IPO5: variants seen among roughly 807,000 people sequenced by gnomAD.
IPO5 encodes the protein importin-5.
Under a neutral mutation model 143.3 loss-of-function variants are expected in IPO5, and 18 were observed. The observed-to-expected ratio is 0.13, with a 90% CI of 0.09 to 0.19. IPO5 has a LOEUF of 0.19. IPO5 is among the 10% of genes least tolerant of loss of function. The pLI is 1.00. For missense variants in IPO5, 1,013 were observed against 1,336.9 expected (o/e 0.76, Z 3.78); for synonymous variants, 477 against 465.7 (o/e 1.02, Z -0.31).
rs1267194340 is a variant in IPO5 at position 98,001,545 on chromosome 13, T to C, written c.1108+900T>C. ...CAGGCTGGAGTGCAGTGGTGCAATC[T>C]TGGCTCACTACAATGTTCACCTCCC... On this transcript the variant is annotated intron_variant, in intron 13 of 28. Coordinates refer to ENST00000651721, the MANE Select transcript of IPO5 (RefSeq NM_002271.6). 16 of 152,404 alleles carry C rather than the reference T, an allele frequency of 1.0e-4. No homozygotes were observed. The East Asian group carries it at 2.5e-3, about 24-fold the overall frequency. 9.4% of individuals were successfully genotyped at this position (152,404 alleles called of 1,614,324 possible).
At chr13:97,963,299 G>T (rs1385876640) in intron 2 of IPO5, 1 of 151,782 alleles carries the variant, frequency 6.6e-6, no homozygotes, top group African/African-American at 2.4e-5. Flanking sequence ...TTTATTTCTG[G>T]AGTCACTATT....
chr13:98,018,428 C>G (rs1890261996), intron 25 of IPO5, 57 bp from the exon 26 acceptor site: 1 of 1,241,768 alleles, frequency 8.1e-7, no homozygotes, highest in East Asian at 2.3e-5. Context: ...GTGAATATTT[C>G]TTTACATTCT....
intron 3 of IPO5, among the ~76,000 whole-genome samples, chr13:97,971,937 CTA>C (rs1329748983): frequency 6.6e-6 from 1 of 152,128 alleles, no homozygotes; most frequent in Non-Finnish European, 1.5e-5. Context: ...CAAAACACTC[CTA>C]TGAAGAACTA....
chr13:97,970,661 T>C (rs1322073713), intron 3 of IPO5, among the ~76,000 whole-genome samples: 1 of 152,100 alleles, frequency 6.6e-6, no homozygotes, highest in Non-Finnish European at 1.5e-5. Flanking sequence ...AAACACGCCA[T>C]ATTTCAATTG....
At chr13:97,975,665 G>C (rs1418923289) in intron 3 of IPO5, 1 of 152,262 alleles carries the variant, frequency 6.6e-6, no homozygotes, top group East Asian at 1.9e-4. Context: ...CTGAGATTGA[G>C]ATAATCAGCC....
chr13:97,977,905 T>C (rs1192618932), intron 4 of IPO5, among the ~76,000 whole-genome samples: 2 of 152,334 alleles, frequency 1.3e-5, no homozygotes, highest in South Asian at 2.1e-4. Context: ...ATTTTACATA[T>C]AGCCAATGAA....
intron 9 of IPO5, 147 bp downstream of exon 9, chr13:97,990,684 A>T (rs1172841951): frequency 5.9e-6 from 3 of 507,730 alleles, no homozygotes; most frequent in African/African-American, 2.0e-5. Flanking sequence ...CTCAGTCTCC[A>T]TTAAGCTTAT....
intron 16 of IPO5, among the ~76,000 whole-genome samples, chr13:98,005,210 T>A (rs1566543507): frequency 6.6e-6 from 1 of 150,760 alleles, no homozygotes; most frequent in Non-Finnish European, 1.5e-5. Context: ...TTTTTTTTTT[T>A]TCCCCAGACA....
chr13:98,006,626 G>A (rs1431639804), intron 17 of IPO5, among the ~76,000 whole-genome samples: 9 of 151,716 alleles, frequency 5.9e-5, no homozygotes, highest in East Asian at 1.9e-4. Flanking sequence ...CGCCCGCCTC[G>A]GCCTCCCAGA....
intron 4 of IPO5, chr13:97,981,477 G>A (rs1886843248): frequency 3.6e-6 from 1 of 279,256 alleles, no homozygotes. Context: ...TTAGTAAAAG[G>A]TTTAAGCTAG....
chr13:97,973,041 T>C (rs979681850), intron 3 of IPO5, among the ~76,000 whole-genome samples: 529 of 32,152 alleles, frequency 0.016, 5 homozygotes, highest in Middle Eastern at 0.062. Flanking sequence ...TTATCTTCTT[T>C]TTTTTTTTTT....
Position 97,985,484 on chromosome 13 carries a change from C to G in IPO5, c.235C>G (p.Pro79Ala), listed in dbSNP as rs763481233. ...LLSSAFDEVYPALPSDVQTAI... is the reference protein window; with the variant it reads ...LLSSAFDEVYAALPSDVQTAI... ...GTCCTCTGCATTTGATGAAGTCTATCCAGCACTTCCCTCTGATGTTCAGAC... is the reference window on the plus strand; with the variant it reads ...GTCCTCTGCATTTGATGAAGTCTATGCAGCACTTCCCTCTGATGTTCAGAC... The change falls in exon 6 of 29, where the codon CCA becomes GCA. Residue 79 changes from proline to alanine, a missense_variant. This residue lies in a region of IPO5 where 328 missense variants were observed against 342.0 expected (regional missense o/e 0.96). Coordinates refer to ENST00000651721, the MANE Select transcript of IPO5 (RefSeq NM_002271.6). 11 of 1,613,972 alleles carry G rather than the reference C, an allele frequency of 6.8e-6. No individual in the cohort carries two copies. Among genetic ancestry groups the G allele is most frequent in the South Asian group, 1.1e-5 (1 of 91,070 alleles).
At chr13:98,018,333 C>G in intron 25 of IPO5, 152 bp from the exon 26 acceptor site, 1 of 609,684 alleles carries the variant, frequency 1.6e-6, no homozygotes, top group Non-Finnish European at 2.9e-6. Flanking sequence ...GATTGAATAT[C>G]GTTGGTCACA....
At chr13:98,000,878 T>G (rs1888712218) in intron 13 of IPO5, 10 of 536,540 alleles carry the variant, frequency 1.9e-5, no homozygotes, top group Admixed American at 1.3e-4. Flanking sequence ...TATTTGAATT[T>G]TTATGGAATA....
chr13:98,000,258 C>T (rs1425915046), intron 12 of IPO5, among the ~76,000 whole-genome samples: 2 of 151,356 alleles, frequency 1.3e-5, no homozygotes, highest in Non-Finnish European at 2.9e-5. Flanking sequence ...GCGCTCCAGC[C>T]TGGGTGACAG....
At chr13:97,974,309 CTTT>C (rs200747505) in intron 3 of IPO5, among the ~76,000 whole-genome samples, 4 of 139,068 alleles carry the variant, frequency 2.9e-5, no homozygotes, top group Non-Finnish European at 1.6e-5. Flanking sequence ...GTCTGAAATT[CTTT>C]TTTTTTTTTT....
chr13:98,020,527 T>C (rs1248335026), intron 27 of IPO5, among the ~76,000 whole-genome samples: 2 of 152,222 alleles, frequency 1.3e-5, no homozygotes, highest in Non-Finnish European at 2.9e-5. Flanking sequence ...ATCATCTTCC[T>C]TGGAAACGAC....
intron 2 of IPO5, among the ~76,000 whole-genome samples, chr13:97,962,167 T>G (rs996765928): frequency 6.6e-6 from 1 of 152,160 alleles, no homozygotes; most frequent in African/African-American, 2.4e-5. Context: ...TCTCCCATTC[T>G]ATGAGTTGTC....
chr13:97,982,844 G>A (rs1446380051), intron 5 of IPO5, among the ~76,000 whole-genome samples: 1 of 152,174 alleles, frequency 6.6e-6, no homozygotes, highest in Non-Finnish European at 1.5e-5. Flanking sequence ...ATAAGTAATT[G>A]CATAAGAATT....
Sources: allele counts gnomAD v4.1 joint callset (sites outside exome capture counted in the v4.1 genomes callset), GRCh38; gene constraint gnomAD v4.1.1; regional missense constraint gnomAD v4.1.1; transcripts MANE v1.5; gene names NCBI Gene and HGNC (gene_info 2026-07-23, HGNC 2026-07-21).